Variants in TRHDE observed in about 807,000 individuals in gnomAD.
The protein encoded by TRHDE is thyrotropin-releasing hormone-degrading ectoenzyme.
A neutral mutation model predicts 125.7 loss-of-function variants in TRHDE; 72 were observed. That is an observed-to-expected ratio of 0.57 (90% CI 0.47 to 0.70). The LOEUF is 0.70. Among genes scored for constraint, TRHDE ranks in the 30% least tolerant of loss-of-function variants. The probability of loss-of-function intolerance (pLI) is 0.00; values close to 1 mark genes in which losing one functional copy is unlikely to be tolerated. For synonymous variants in TRHDE, 509 were observed against 509.1 expected (o/e 1.00, Z 0.00); for missense variants, 1,110 against 1,327.1 (o/e 0.84, Z 2.54).
At chr12:72,169,594 C>A (rs1363475076) in intron 2 of TRHDE, among the ~76,000 whole-genome samples, 3 of 152,020 alleles carry the variant, frequency 2.0e-5, no homozygotes, top group African/African-American at 7.2e-5. Context: ...ATGGCTCACA[C>A]CTGTAATCCC....
chr12:72,290,528 G>C (rs1055680441), intron 2 of TRHDE, among the ~76,000 whole-genome samples: 1 of 152,158 alleles, frequency 6.6e-6, no homozygotes, highest in African/African-American at 2.4e-5. Context: ...GTTTCTGTAG[G>C]CTAGGAATTT....
chr12:72,334,446 A>C (rs1018932644), intron 2 of TRHDE, among the ~76,000 whole-genome samples: 1 of 152,322 alleles, frequency 6.6e-6, no homozygotes, highest in African/African-American at 2.4e-5. Context: ...CTAGCACCAG[A>C]GTGGCTAGCA....
chr12:72,295,814 T>C (rs1880277930), intron 2 of TRHDE, among the ~76,000 whole-genome samples: 1 of 152,056 alleles, frequency 6.6e-6, no homozygotes, highest in African/African-American at 2.4e-5. Flanking sequence ...ATCACGTTAC[T>C]AATAGAAGTC....
At chr12:72,199,485 C>T (rs989003455) in intron 2 of TRHDE, among the ~76,000 whole-genome samples, 5 of 152,102 alleles carry the variant, frequency 3.3e-5, no homozygotes, top group Admixed American at 2.6e-4. Flanking sequence ...TTGATGCCAA[C>T]CTGTGGTAGC....
At chr12:72,295,381 C>A (rs1176842153) in intron 2 of TRHDE, among the ~76,000 whole-genome samples, 1 of 152,148 alleles carries the variant, frequency 6.6e-6, no homozygotes, top group Non-Finnish European at 1.5e-5. Flanking sequence ...TCCAGATGGC[C>A]CACTGCTGCC....
At chr12:72,196,391 G>T (rs1877443606) in intron 2 of TRHDE, among the ~76,000 whole-genome samples, 1 of 151,934 alleles carries the variant, frequency 6.6e-6, no homozygotes, top group Non-Finnish European at 1.5e-5. Context: ...GTCATCTATG[G>T]TTTCTTTCAG....
At chr12:72,419,175 A>G (rs1873849543) in intron 3 of TRHDE, among the ~76,000 whole-genome samples, 1 of 152,162 alleles carries the variant, frequency 6.6e-6, no homozygotes, top group Admixed American at 6.6e-5. Context: ...GATCTAGAGG[A>G]ACAGAAAATA....
chr12:72,531,587 GT>G (rs1458240374), intron 6 of TRHDE, among the ~76,000 whole-genome samples: 1 of 151,630 alleles, frequency 6.6e-6, no homozygotes, highest in African/African-American at 2.4e-5. Context: ...TATTTTTAAA[GT>G]TTTGCATTGT....
intron 6 of TRHDE, among the ~76,000 whole-genome samples, chr12:72,500,599 C>T (rs1005458494): frequency 1.3e-5 from 2 of 151,968 alleles, no homozygotes; most frequent in Admixed American, 6.6e-5. Flanking sequence ...ACCATGTTGG[C>T]CAGGCTGGTC....
At chr12:72,362,563 T>A (rs1871148437) in intron 2 of TRHDE, among the ~76,000 whole-genome samples, 1 of 151,084 alleles carries the variant, frequency 6.6e-6, no homozygotes, top group South Asian at 2.1e-4. Context: ...AGCTCTTTAG[T>A]TTAATTAGAT....
intron 12 of TRHDE, among the ~76,000 whole-genome samples, chr12:72,583,225 G>A (rs1361738938): frequency 1.3e-5 from 2 of 152,148 alleles, no homozygotes; most frequent in Admixed American, 6.5e-5. Flanking sequence ...TGCAAACTAC[G>A]ATTTATTGTT....
At chr12:72,376,863 T>A (rs1008329081) in intron 2 of TRHDE, among the ~76,000 whole-genome samples, 6 of 150,900 alleles carry the variant, frequency 4.0e-5, no homozygotes, top group Non-Finnish European at 8.8e-5. Context: ...TTCTATATAC[T>A]GAGTAAACCA....
intron 12 of TRHDE, among the ~76,000 whole-genome samples, chr12:72,602,690 T>C (rs1443026474): frequency 6.6e-6 from 1 of 152,198 alleles, no homozygotes; most frequent in Non-Finnish European, 1.5e-5. Flanking sequence ...GAACCTGCAA[T>C]ATACAGGGTT....
chr12:72,182,557 A>G (rs1877115344), intron 2 of TRHDE, among the ~76,000 whole-genome samples: 1 of 152,164 alleles, frequency 6.6e-6, no homozygotes, highest in South Asian at 2.1e-4. Context: ...TAGCAGAAAG[A>G]ACAGATATAA....
intron 1 of TRHDE, 83 bp from the exon 2 acceptor site, chr12:72,286,578 CAATTTGGAATAATATATTAT>C: frequency 8.7e-7 from 1 of 1,146,894 alleles, no homozygotes; most frequent in Non-Finnish European, 1.2e-6. Flanking sequence ...AAAAATATTG[CAATTTGGAATAATATATTAT>C]TTCATCAACA....
intron 7 of TRHDE, among the ~76,000 whole-genome samples, chr12:72,544,876 A>G (rs957537040): frequency 6.6e-6 from 1 of 150,650 alleles, no homozygotes; most frequent in Non-Finnish European, 1.5e-5. Context: ...ATTCAACTAC[A>G]TTTTCAATTT....
At chr12:72,423,751 C>G (rs1051430140) in intron 3 of TRHDE, among the ~76,000 whole-genome samples, 5 of 151,952 alleles carry the variant, frequency 3.3e-5, no homozygotes, top group African/African-American at 1.2e-4. Flanking sequence ...GGGAGATCTC[C>G]TAGATTGTCT....
intron 2 of TRHDE, among the ~76,000 whole-genome samples, chr12:72,300,258 T>A (rs1371824929): frequency 6.6e-6 from 1 of 152,000 alleles, no homozygotes; most frequent in Non-Finnish European, 1.5e-5. Context: ...TATATTTATG[T>A]TGTTGTTTTT....
chr12:72,606,194 C>G (rs377712507), intron 12 of TRHDE, among the ~76,000 whole-genome samples: 6 of 152,184 alleles, frequency 3.9e-5, no homozygotes, highest in African/African-American at 1.4e-4. Flanking sequence ...CATCACTGTA[C>G]AGCAACCCTG....
Sources: allele counts gnomAD v4.1 joint callset (sites outside exome capture counted in the v4.1 genomes callset), GRCh38; gene constraint gnomAD v4.1.1; transcripts MANE v1.5; gene names NCBI Gene and HGNC (gene_info 2026-07-23, HGNC 2026-07-21).